The following FECH variants were observed in gnomAD, a reference collection of about 807,000 sequenced individuals.
FECH encodes the protein ferrochelatase, mitochondrial.
Under a neutral mutation model 56.9 loss-of-function variants are expected in FECH, and 40 were observed. That is an observed-to-expected ratio of 0.70 (90% confidence interval 0.55 to 0.92). FECH has a LOEUF of 0.92. Among genes scored for constraint, FECH ranks in the 40% least tolerant of loss-of-function variants. The pLI, the probability that FECH is intolerant of heterozygous loss-of-function variation, is 0.00. For synonymous variants in FECH, 175 were observed against 198.6 expected (o/e 0.88, Z 1.00); for missense variants, 431 against 529.1 (o/e 0.81, Z 1.82).
At chr18:57,552,464 G>A (rs558382637) in intron 9 of FECH, among the ~76,000 whole-genome samples, 8 of 151,772 alleles carry the variant, frequency 5.3e-5, no homozygotes, top group South Asian at 2.1e-4. Context: ...GCAGTAGTGC[G>A]ATCTCAACTC....
intron 1 of FECH, among the ~76,000 whole-genome samples, chr18:57,585,575 T>C (rs2051357154): frequency 6.6e-6 from 1 of 152,194 alleles, no homozygotes; most frequent in South Asian, 2.1e-4. Flanking sequence ...CATTGTACAC[T>C]GGGTCCTTAG....
chr18:57,555,146 C>T (rs765798310), intron 7 of FECH, among the ~76,000 whole-genome samples, 194 bp from the exon 8 acceptor site: 2 of 152,134 alleles, frequency 1.3e-5, no homozygotes, highest in African/African-American at 2.4e-5. Context: ...AGAAAAACAC[C>T]GCAGTCAATC....
chr18:57,545,995 A>G lies in FECH; in HGVS notation c.*4717T>C, dbSNP rs185996562. ...TCCAGGATCCCCCACAGATACTAAA[A>G]GTTATCCACACTCAGGTCTCCATTT... On this transcript the variant is annotated 3_prime_UTR_variant, in exon 11 of 11. Coordinates refer to ENST00000262093, the MANE Select transcript of FECH (RefSeq NM_000140.5). Among the ~76,000 whole-genome samples the G allele has an allele frequency of 2.5e-3, 388 of 152,334 alleles. 3 individuals carry two copies. Among genetic ancestry groups the G allele is most frequent in the African/African-American group, 8.6e-3 (356 of 41,580 alleles).
Position 57,577,583 on chromosome 18 carries a change from G to A in FECH, c.194+2490C>T, listed in dbSNP as rs190375416. Among the ~76,000 whole-genome samples, 9 of 152,230 alleles carry A rather than the reference G, an allele frequency of 5.9e-5. No individual in the cohort carries two copies. In the East Asian group the frequency reaches 9.6e-4, roughly 16 times the overall value. ...TATTAAAAAACTAGAAATCACCTAC[G>A]TGTCCCAGAATGTTGGTCAAGGTAG... On this transcript the variant is annotated intron_variant, in intron 2 of 10. Transcript: ENST00000262093.
At chr18:57,572,842 G>A (rs1482016623) in intron 3 of FECH, 1 of 172,412 alleles carries the variant, frequency 5.8e-6, no homozygotes, top group Non-Finnish European at 1.2e-5. Flanking sequence ...AGAGAAGGAA[G>A]AAGGGAAAGA....
In FECH at chr18:57,551,510, G is replaced by C; in HGVS notation, c.1078-136C>G. 9.9e-6 allele frequency: 7 copies of C among 710,264 alleles called. No individual in the cohort carries two copies. The South Asian group carries it at 1.1e-4, about 11-fold the overall frequency. The allele number at this position is 710,264 out of a possible 1,614,324, so 44.0% of individuals were successfully genotyped here. A position where few individuals can be genotyped will look rare whatever the true frequency, so the allele number is the denominator to read the frequency against. ...CAAAGTCTGACTTCAACTGTTCGCAGACTGCTCATTAATGAAAAATACTCA... is the reference window on the plus strand; with the variant it reads ...CAAAGTCTGACTTCAACTGTTCGCACACTGCTCATTAATGAAAAATACTCA... On this transcript the variant is annotated intron_variant, in intron 9 of 10. Transcript: ENST00000262093.
intron 5 of FECH, 45 bp downstream of exon 5, chr18:57,566,402 G>T: frequency 6.2e-7 from 1 of 1,613,540 alleles, no homozygotes; most frequent in Non-Finnish European, 8.5e-7. Context: ...GGTTATTTTT[G>T]CCAGCACCGT....
At chr18:57,554,211 T>A (rs1232474560) in intron 9 of FECH, 49 bp downstream of exon 9, 2 of 1,608,648 alleles carry the variant, frequency 1.2e-6, no homozygotes, top group South Asian at 1.1e-5. Context: ...AGAAAAAATT[T>A]CCTTTTAAAA....
intron 2 of FECH, among the ~76,000 whole-genome samples, chr18:57,579,470 T>C (rs2051242700): frequency 6.6e-6 from 1 of 152,094 alleles, no homozygotes; most frequent in Non-Finnish European, 1.5e-5. Flanking sequence ...TTATAGAGTC[T>C]TCTGTTGCCT....
Position 57,575,411 on chromosome 18 carries a change from C to G in FECH, c.195-2046G>C, listed in dbSNP as rs566427057. 5.3e-5 allele frequency among the ~76,000 whole-genome samples: 8 copies of G among 152,184 alleles called. No individual in the cohort carries two copies. The South Asian group carries it at 1.7e-3, about 32-fold the overall frequency. ...TATAGAGAAACATTCTTTATGTGCT[C>G]GAAAACTAAAGATACTATGATGACA... On this transcript the variant is annotated intron_variant, in intron 2 of 10. Transcript: ENST00000262093.
chr18:57,553,699 T>C (rs2050829605), intron 9 of FECH, among the ~76,000 whole-genome samples: 2 of 152,198 alleles, frequency 1.3e-5, no homozygotes, highest in African/African-American at 2.4e-5. Flanking sequence ...AATAATCAGA[T>C]TGATCACAAC....
rs1358856949 is a variant in FECH at position 57,550,497 on chromosome 18, A to G, written c.*215T>C. 1.8e-6 allele frequency: 1 copy of G among 551,308 alleles called. No individual in the cohort carries two copies. Among genetic ancestry groups the G allele is most frequent in the Non-Finnish European group, 3.2e-6 (1 of 313,608 alleles). The allele number at this position is 551,308 out of a possible 1,614,324, so 34.2% of individuals were successfully genotyped here. A position where few individuals can be genotyped will look rare whatever the true frequency, so the allele number is the denominator to read the frequency against. ...TTCCAAACTAGTAACTTATACCTAG[A>G]GAGAGAAAATACAAATGCTTACTGT... On this transcript the variant is annotated 3_prime_UTR_variant, in exon 11 of 11. Coordinates refer to ENST00000262093, the MANE Select transcript of FECH (RefSeq NM_000140.5).
intron 5 of FECH, 146 bp downstream of exon 5, chr18:57,566,301 T>A: frequency 5.6e-6 from 6 of 1,079,928 alleles, no homozygotes. Context: ...TCAAATGGAC[T>A]GACCTGAACT....
intron 2 of FECH, among the ~76,000 whole-genome samples, chr18:57,577,393 T>G (rs547378947): frequency 6.6e-6 from 1 of 152,268 alleles, no homozygotes; most frequent in Admixed American, 6.5e-5. Flanking sequence ...GCCTGAAAAA[T>G]TTACTACCTA....
intron 5 of FECH, among the ~76,000 whole-genome samples, chr18:57,565,855 A>G (rs960813206): frequency 6.6e-6 from 1 of 152,226 alleles, no homozygotes; most frequent in Non-Finnish European, 1.5e-5. Flanking sequence ...TGATACAGAG[A>G]TTGCCAAACA....
intron 2 of FECH, among the ~76,000 whole-genome samples, chr18:57,576,412 G>A (rs745473962): frequency 2.0e-5 from 3 of 152,120 alleles, no homozygotes; most frequent in Non-Finnish European, 2.9e-5. Flanking sequence ...ACTAATATTC[G>A]TTTAATCTTT....
chr18:57,580,859 C>T lies in FECH; in HGVS notation c.68-660G>A, dbSNP rs561187141. Among the ~76,000 whole-genome samples, 44 of 151,768 alleles carry T rather than the reference C, an allele frequency of 2.9e-4. 1 individual carries two copies. The South Asian group carries it at 8.3e-3, about 29-fold the overall frequency. On this transcript the variant is annotated intron_variant, in intron 1 of 10. Transcript: ENST00000262093. ...CCAGGATTCCCTGTCCCCCAAGCTCCACACCCACTCCCAGGGTCTGTGCAG... is the reference window on the plus strand; with the variant it reads ...CCAGGATTCCCTGTCCCCCAAGCTCTACACCCACTCCCAGGGTCTGTGCAG...
intron 5 of FECH, among the ~76,000 whole-genome samples, chr18:57,563,611 TA>T (rs1381634563): frequency 9.4e-6 from 1 of 106,282 alleles, no homozygotes; most frequent in Non-Finnish European, 2.2e-5. Flanking sequence ...AAAAGTATGT[TA>T]TTTTTTTTCC....
chr18:57,558,598 C>T (rs879151900), intron 7 of FECH, among the ~76,000 whole-genome samples: 1 of 152,168 alleles, frequency 6.6e-6, no homozygotes, highest in African/African-American at 2.4e-5. Flanking sequence ...ATTAGAAAGT[C>T]TTATATATAT....
Sources: gnomAD v4.1 joint callset for allele counts (sites outside exome capture counted in the v4.1 genomes callset) on GRCh38, gnomAD v4.1.1 for gene constraint, MANE v1.5 for transcripts, NCBI Gene and HGNC (gene_info 2026-07-23, HGNC 2026-07-21) for gene names.